CCDC91: variants seen among roughly 807,000 people sequenced by gnomAD.
CCDC91 encodes coiled-coil domain containing 91, also known as coiled-coil domain-containing protein 91.
In CCDC91, 48 loss-of-function variants were observed where a neutral mutation model predicts 63.2. That is an observed-to-expected ratio of 0.76 (90% CI 0.60 to 0.97). CCDC91 has a LOEUF of 0.97. CCDC91 is among the 50% of genes least tolerant of loss of function. The probability of loss-of-function intolerance (pLI) is 0.00; values close to 1 mark genes in which losing one functional copy is unlikely to be tolerated. For missense variants in CCDC91, 500 were observed against 494.6 expected (o/e 1.01, Z -0.10); for synonymous variants, 167 against 165.8 (o/e 1.01, Z -0.06).
intron 6 of CCDC91, among the ~76,000 whole-genome samples, chr12:28,348,226 G>T (rs1322352236): frequency 5.3e-5 from 8 of 152,180 alleles, no homozygotes; most frequent in South Asian, 4.1e-4. Flanking sequence ...ACCAGCATCG[G>T]TCTCATTTGC....
At chr12:28,259,482 T>TCC in intron 3 of CCDC91, 40 bp downstream of exon 3, 2 of 1,283,156 alleles carry the variant, frequency 1.6e-6, no homozygotes, top group East Asian at 2.4e-5. Flanking sequence ...TTTTTTTTTT[T>TCC]CCCATGTAAC....
chr12:28,513,347 C>T (rs1305167999), intron 12 of CCDC91, among the ~76,000 whole-genome samples: 1 of 151,778 alleles, frequency 6.6e-6, no homozygotes, highest in Non-Finnish European at 1.5e-5. Context: ...AAAGTTTTTA[C>T]TGTCATTTTT....
At chr12:28,545,060 T>G (rs763004055) in intron 12 of CCDC91, among the ~76,000 whole-genome samples, 7 of 151,946 alleles carry the variant, frequency 4.6e-5, no homozygotes, top group Non-Finnish European at 7.4e-5. Context: ...AAGAGCTGAA[T>G]AGAAATTAAA....
At chr12:28,368,876 A>G (rs1332722477) in intron 7 of CCDC91, among the ~76,000 whole-genome samples, 2 of 151,960 alleles carry the variant, frequency 1.3e-5, no homozygotes, top group East Asian at 3.9e-4. Context: ...ACACTTTTAA[A>G]CCGTCAGATC....
intron 6 of CCDC91, among the ~76,000 whole-genome samples, chr12:28,316,900 C>T (rs564402565): frequency 1.3e-5 from 2 of 151,968 alleles, no homozygotes; most frequent in East Asian, 3.9e-4. Context: ...AGCAATTTGT[C>T]CTCAGTGTCG....
intron 12 of CCDC91, among the ~76,000 whole-genome samples, chr12:28,536,632 T>A (rs1258455480): frequency 6.6e-6 from 1 of 152,168 alleles, no homozygotes; most frequent in Admixed American, 6.5e-5. Flanking sequence ...CCTACTTAAT[T>A]TATGATTATT....
At chr12:28,437,370 C>A (rs1277609157) in intron 8 of CCDC91, among the ~76,000 whole-genome samples, 1 of 151,856 alleles carries the variant, frequency 6.6e-6, no homozygotes, top group Admixed American at 6.6e-5. Flanking sequence ...AGAATGTTGC[C>A]TTATATATCT....
chr12:28,428,340 G>A (rs1457135649), intron 8 of CCDC91, among the ~76,000 whole-genome samples: 2 of 152,006 alleles, frequency 1.3e-5, no homozygotes, highest in Non-Finnish European at 2.9e-5. Context: ...GGAGGCCGAG[G>A]CGGGCAGACC....
intron 12 of CCDC91, among the ~76,000 whole-genome samples, chr12:28,494,255 T>C (rs1051903038): frequency 1.3e-5 from 2 of 151,658 alleles, no homozygotes; most frequent in Non-Finnish European, 2.9e-5. Context: ...TGCTATAGTA[T>C]GGACTAACAA....
chr12:28,358,238 T>C (rs1228731554), intron 6 of CCDC91, among the ~76,000 whole-genome samples: 1 of 152,214 alleles, frequency 6.6e-6, no homozygotes, highest in Non-Finnish European at 1.5e-5. Context: ...ACATTGATTT[T>C]ATTCTCATTC....
intron 1 of CCDC91, among the ~76,000 whole-genome samples, chr12:28,191,896 A>G (rs1941285914): frequency 6.6e-6 from 1 of 152,200 alleles, no homozygotes; most frequent in Non-Finnish European, 1.5e-5. Context: ...GAAGTTTGGT[A>G]TCCTCCAGGC....
chr12:28,450,312 A>G (rs1949739046), intron 9 of CCDC91, 38 bp from the exon 10 acceptor site: 1 of 1,590,274 alleles, frequency 6.3e-7, no homozygotes, highest in African/African-American at 1.3e-5. Context: ...CTCAAATAAT[A>G]CATTTAATGT....
At chr12:28,284,661 AAAAAAG>A in intron 3 of CCDC91, among the ~76,000 whole-genome samples, 1 of 152,092 alleles carries the variant, frequency 6.6e-6, no homozygotes, top group Non-Finnish European at 1.5e-5. Context: ...CTCAAAAAAA[AAAAAAG>A]AAAAAGAAAT....
intron 8 of CCDC91, among the ~76,000 whole-genome samples, chr12:28,429,428 G>T (rs538863937): frequency 1.3e-5 from 2 of 151,980 alleles, no homozygotes; most frequent in African/African-American, 2.4e-5. Context: ...ATACTAGAAA[G>T]GATTTTTTTA....
intron 1 of CCDC91, among the ~76,000 whole-genome samples, chr12:28,241,903 G>A (rs567337498): frequency 2.0e-5 from 3 of 150,788 alleles, no homozygotes; most frequent in African/African-American, 7.3e-5. Flanking sequence ...GGTTGAGGCA[G>A]GAGAATTGCT....
In CCDC91 at chr12:28,484,140, T is replaced by C. The variant is rs750740272; in HGVS notation, c.1190T>C (p.Ile397Thr). The change falls in exon 12 of 13, where the codon ATA (isoleucine) becomes ACA (threonine). Residue 397 changes from isoleucine to threonine, a missense_variant. Coordinates refer to ENST00000536442, the MANE Select transcript of CCDC91 (RefSeq NM_018318.5). Reference protein sequence around the residue: ...EAVKRTRDELIEYIKEQKRLD... With the variant: ...EAVKRTRDELTEYIKEQKRLD... Reference sequence around the variant, plus strand: ...GTGAAAAGAACAAGAGATGAATTGATAGAGTATATAAAAGAACAGAAAAGG... The same window carrying C: ...GTGAAAAGAACAAGAGATGAATTGACAGAGTATATAAAAGAACAGAAAAGG... The C allele has an allele frequency of 1.9e-6, 3 of 1,607,044 alleles. No homozygotes were observed. Among genetic ancestry groups the C allele is most frequent in the South Asian group, 1.1e-5 (1 of 90,014 alleles).
chr12:28,244,335 T>C (rs1170031344), intron 1 of CCDC91, among the ~76,000 whole-genome samples: 2 of 152,080 alleles, frequency 1.3e-5, no homozygotes, highest in African/African-American at 4.8e-5. Context: ...TGGGGATAGA[T>C]GAAAAGATTC....
intron 1 of CCDC91, among the ~76,000 whole-genome samples, chr12:28,196,205 T>A (rs11049438): frequency 6.6e-6 from 1 of 152,254 alleles, no homozygotes; most frequent in African/African-American, 2.4e-5. Flanking sequence ...TATTTTGTTA[T>A]GTTTGTATCT....
At position 28,543,586 on chromosome 12, in the gene CCDC91, G is replaced by A. The variant is rs1292749849; in HGVS notation, c.1216-5477G>A. ...CCCGAGTGTCCCAGGACTTAGTCCT[G>A]TAACCTTTTCTCTTTTATCCACTTT... On this transcript the variant is annotated intron_variant, in intron 12 of 12. Transcript: ENST00000536442. Among the ~76,000 whole-genome samples the A allele has an allele frequency of 3.9e-5, 6 of 151,998 alleles. No individual in the cohort carries two copies. The South Asian group carries it at 8.3e-4, about 21-fold the overall frequency.
Sources: gnomAD v4.1 joint callset for allele counts (sites outside exome capture counted in the v4.1 genomes callset) on GRCh38, gnomAD v4.1.1 for gene constraint, MANE v1.5 for transcripts, NCBI Gene and HGNC (gene_info 2026-07-23, HGNC 2026-07-21) for gene names.